The following KATNBL1 variants were observed in gnomAD, a reference collection of about 807,000 sequenced individuals.
The protein encoded by KATNBL1 is katanin regulatory subunit B1 like 1.
Under a neutral mutation model 44.7 loss-of-function variants are expected in KATNBL1, and 28 were observed. That is an observed-to-expected ratio of 0.63 (90% CI 0.46 to 0.86). KATNBL1 has a LOEUF of 0.86. Among genes scored for constraint, KATNBL1 ranks in the 40% least tolerant of loss-of-function variants. KATNBL1 has a pLI of 0.00. For synonymous variants in KATNBL1, 78 were observed against 114.9 expected (o/e 0.68, Z 2.06); for missense variants, 272 against 350.7 (o/e 0.78, Z 1.79).
At chr15:34,154,568 CTTA>C (rs1888579153) in intron 3 of KATNBL1, 73 bp downstream of exon 3, 4 of 895,122 alleles carry the variant, frequency 4.5e-6, no homozygotes, top group Admixed American at 4.1e-5. Flanking sequence ...TAAAAGAATG[CTTA>C]TTTTTCCCTT....
chr15:34,173,945 AG>A (rs1889248737), intron 1 of KATNBL1, among the ~76,000 whole-genome samples: 2 of 152,370 alleles, frequency 1.3e-5, no homozygotes, highest in Non-Finnish European at 2.9e-5. Context: ...GAATGACTAC[AG>A]GAAGTTCTCT....
intron 2 of KATNBL1, among the ~76,000 whole-genome samples, chr15:34,157,802 G>C (rs781690373): frequency 1.3e-5 from 2 of 152,144 alleles, no homozygotes; most frequent in Non-Finnish European, 2.9e-5. Flanking sequence ...GTGCCAGGGA[G>C]TATGATTTCC....
At chr15:34,145,304 A>C in intron 9 of KATNBL1, 94 bp downstream of exon 9, 1 of 1,342,318 alleles carries the variant, frequency 7.4e-7, no homozygotes, top group East Asian at 3.3e-5. Flanking sequence ...ACAGTACCAT[A>C]TTATTTTGCC....
chr15:34,190,146 A>G lies in KATNBL1; in HGVS notation c.-15+19805T>C, dbSNP rs570249355. Among the ~76,000 whole-genome samples, 113 of 152,128 alleles carry G rather than the reference A, an allele frequency of 7.4e-4. 1 individual carries two copies. The highest frequency in any genetic ancestry group is 2.6e-3 in the African/African-American group (108 of 41,492). ...TTTTTAGTAGAGACAGGGTTTCACC[A>G]TGTTAGCCAGGATGGTCTCGATCTC... On this transcript the variant is annotated intron_variant, in intron 1 of 9. Transcript: ENST00000256544.
At chr15:34,182,596 C>T (rs1889600741) in intron 1 of KATNBL1, among the ~76,000 whole-genome samples, 1 of 152,032 alleles carries the variant, frequency 6.6e-6, no homozygotes, top group Non-Finnish European at 1.5e-5. Context: ...GTTCACCCCA[C>T]CTGAGGTAAA....
chr15:34,204,994 T>G (rs955942296), intron 1 of KATNBL1, among the ~76,000 whole-genome samples: 6 of 151,520 alleles, frequency 4.0e-5, no homozygotes, highest in East Asian at 1.9e-4. Context: ...GGACAGTTTT[T>G]TTTTTTTTTT....
intron 1 of KATNBL1, among the ~76,000 whole-genome samples, chr15:34,194,685 A>G (rs2140991795): frequency 6.6e-6 from 1 of 152,320 alleles, no homozygotes. Context: ...AACAGACAGT[A>G]TCTACAAACT....
At chr15:34,172,987 C>T (rs1889217709) in intron 1 of KATNBL1, among the ~76,000 whole-genome samples, 1 of 151,458 alleles carries the variant, frequency 6.6e-6, no homozygotes, top group African/African-American at 2.4e-5. Context: ...ATCTATAAAA[C>T]AAAAATGGGA....
intron 1 of KATNBL1, among the ~76,000 whole-genome samples, chr15:34,177,423 T>C (rs1181839905): frequency 6.6e-6 from 1 of 151,926 alleles, no homozygotes; most frequent in African/African-American, 2.4e-5. Flanking sequence ...GGTGGGTGGA[T>C]CATTTGAGGT....
intron 1 of KATNBL1, among the ~76,000 whole-genome samples, chr15:34,170,117 G>T (rs1889114121): frequency 6.6e-6 from 1 of 152,018 alleles, no homozygotes; most frequent in African/African-American, 2.4e-5. Flanking sequence ...AGAAATAAAG[G>T]GTATTCAATT....
chr15:34,169,679 G>A (rs181065513), intron 1 of KATNBL1, among the ~76,000 whole-genome samples: 12 of 152,248 alleles, frequency 7.9e-5, no homozygotes, highest in African/African-American at 1.7e-4. Context: ...ACACTGATGC[G>A]AAAATCTTCA....
chr15:34,163,991 G>T (rs1888889028), intron 1 of KATNBL1, among the ~76,000 whole-genome samples: 1 of 151,756 alleles, frequency 6.6e-6, no homozygotes, highest in South Asian at 2.1e-4. Flanking sequence ...CTCCTGGGTT[G>T]AAGCAATTCT....
chr15:34,177,030 A>T (rs971977012), intron 1 of KATNBL1, among the ~76,000 whole-genome samples: 1 of 20,252 alleles, frequency 4.9e-5, no homozygotes. Flanking sequence ...CAGTGATTAT[A>T]GAAACTGGCA....
intron 2 of KATNBL1, among the ~76,000 whole-genome samples, chr15:34,162,640 C>T (rs915355143): frequency 3.9e-5 from 6 of 152,116 alleles, no homozygotes; most frequent in African/African-American, 1.2e-4. Context: ...GATAGGATCT[C>T]GCACTGTCAC....
chr15:34,185,029 G>C (rs1415849259), intron 1 of KATNBL1, among the ~76,000 whole-genome samples: 1 of 151,974 alleles, frequency 6.6e-6, no homozygotes, highest in Non-Finnish European at 1.5e-5. Context: ...GAGTGCCATG[G>C]TATGATCACA....
At chr15:34,146,212 T>A (rs1039267995) in intron 8 of KATNBL1, 1 of 152,362 alleles carries the variant, frequency 6.6e-6, no homozygotes, top group African/African-American at 2.4e-5. Context: ...CCCAAAGTGC[T>A]GGGATTACAG....
At chr15:34,167,491 G>T (rs369851165) in intron 1 of KATNBL1, among the ~76,000 whole-genome samples, 18 of 152,238 alleles carry the variant, frequency 1.2e-4, no homozygotes, top group African/African-American at 4.3e-4. Flanking sequence ...TGAAAGTGAC[G>T]GGGAGAATGC....
chr15:34,148,507 G>A (rs1480170917), intron 5 of KATNBL1, 125 bp downstream of exon 5: 8 of 587,388 alleles, frequency 1.4e-5, no homozygotes, highest in Non-Finnish European at 2.2e-5. Context: ...AGGGCTGCTT[G>A]AACTCAGCAG....
At chr15:34,161,059 A>AGGGCTGCCCTAAGCTGTAT (rs1888787761) in intron 2 of KATNBL1, among the ~76,000 whole-genome samples, 1 of 152,148 alleles carries the variant, frequency 6.6e-6, no homozygotes, top group Admixed American at 6.5e-5. Context: ...CCTTTACAGG[A>AGGGCTGCCCTAAGCTGTAT]GGGCTGCCCT....
Sources: allele counts gnomAD v4.1 joint callset (sites outside exome capture counted in the v4.1 genomes callset), GRCh38; gene constraint gnomAD v4.1.1; transcripts MANE v1.5; gene names NCBI Gene and HGNC (gene_info 2026-07-23, HGNC 2026-07-21).